VPS41: variants seen among roughly 807,000 people sequenced by gnomAD.
VPS41 encodes vacuolar protein sorting-associated protein 41 homolog.
VPS41 carries 85 observed loss-of-function variants against 130.9 expected under a neutral mutation model. The ratio of observed to expected loss-of-function variants is 0.65; its 90% CI spans 0.55 to 0.78. The LOEUF is 0.78. Among genes scored for constraint, VPS41 ranks in the 30% least tolerant of loss-of-function variants. The pLI is 0.00. For synonymous variants in VPS41, 335 were observed against 332.9 expected (o/e 1.01, Z -0.07); for missense variants, 874 against 1,018.7 (o/e 0.86, Z 1.93).
intron 2 of VPS41, among the ~76,000 whole-genome samples, chr7:38,892,781 T>A (rs781335839): frequency 1.1e-4 from 17 of 152,118 alleles, no homozygotes; most frequent in Non-Finnish European, 1.6e-4. Context: ...TTAGAACATC[T>A]TTTTCCTCTC....
At chr7:38,873,220 T>G (rs998439526) in intron 2 of VPS41, among the ~76,000 whole-genome samples, 1 of 152,268 alleles carries the variant, frequency 6.6e-6, no homozygotes, top group African/African-American at 2.4e-5. Flanking sequence ...ATGTATCATT[T>G]CACGCTTTTC....
At chr7:38,768,378 C>T (rs1043364539) in intron 14 of VPS41, among the ~76,000 whole-genome samples, 1 of 151,080 alleles carries the variant, frequency 6.6e-6, no homozygotes, top group Non-Finnish European at 1.5e-5. Flanking sequence ...CAAAAAGGTG[C>T]ATAAGAAATA....
chr7:38,903,033 C>T (rs1397997263), intron 1 of VPS41, among the ~76,000 whole-genome samples: 1 of 152,130 alleles, frequency 6.6e-6, no homozygotes, highest in African/African-American at 2.4e-5. Context: ...AAAACAAATT[C>T]TTCCTCCTCC....
intron 15 of VPS41, among the ~76,000 whole-genome samples, chr7:38,767,081 T>C (rs1438802381): frequency 3.3e-5 from 5 of 152,106 alleles, no homozygotes; most frequent in Non-Finnish European, 7.4e-5. Context: ...GAATTGGGGT[T>C]TGGGGATCGG....
intron 2 of VPS41, among the ~76,000 whole-genome samples, chr7:38,870,738 T>TAAAAAAAAAA (rs1786334268): frequency 1.5e-5 from 1 of 68,488 alleles, no homozygotes; most frequent in Admixed American, 1.7e-4. Context: ...GACTATATGT[T>TAAAAAAAAAA]CAAAAAAAAA....
intron 25 of VPS41, among the ~76,000 whole-genome samples, chr7:38,732,506 C>T (rs1052572715): frequency 5.9e-5 from 9 of 152,018 alleles, no homozygotes; most frequent in African/African-American, 2.2e-4. Context: ...TATTAATTTC[C>T]ATGAAAAATT....
At position 38,758,365 on chromosome 7, in the gene VPS41, G is replaced by T. The variant is rs752713822; in HGVS notation, c.1539C>A (p.Thr513=). The change falls in exon 18 of 29, where the codon ACC becomes ACA. Residue 513 remains threonine (T), a synonymous_variant. Transcript: ENST00000310301. ...TTAAGTATACTCACAATTCTGCCAG[G>T]GTTTTAAGTAAAGTCTTGTTCTGAC... is the stretch of plus-strand genomic sequence containing the variant. ...KDSQNKTLLK[T]LAELYTYDKN... The T allele has an allele frequency of 1.2e-6, 2 of 1,608,104 alleles. No individual in the cohort carries two copies. Among genetic ancestry groups the T allele is most frequent in the East Asian group, 2.2e-5 (1 of 44,706 alleles).
intron 4 of VPS41, among the ~76,000 whole-genome samples, chr7:38,843,039 C>T (rs577463323): frequency 1.3e-5 from 2 of 152,084 alleles, no homozygotes; most frequent in African/African-American, 4.8e-5. Flanking sequence ...CAGGTAAATA[C>T]ATAAATAAAC....
chr7:38,763,638 A>G, intron 16 of VPS41, 91 bp from the exon 17 acceptor site: 1 of 805,426 alleles, frequency 1.2e-6, no homozygotes, highest in East Asian at 2.7e-5. Flanking sequence ...GTATATTTTT[A>G]CTTTAAAAAT....
chr7:38,814,380 GGTGGCTCACGCCTGTA>G (rs1784998482), intron 7 of VPS41, among the ~76,000 whole-genome samples: 1 of 152,200 alleles, frequency 6.6e-6, no homozygotes, highest in Non-Finnish European at 1.5e-5. Context: ...GGCCGGGCGT[GGTGGCTCACGCCTGTA>G]AGCCCAGCAC....
intron 2 of VPS41, among the ~76,000 whole-genome samples, chr7:38,893,387 T>C (rs559098409): frequency 6.6e-6 from 1 of 152,318 alleles, no homozygotes; most frequent in South Asian, 2.1e-4. Flanking sequence ...TTCCTGACCA[T>C]TCATCCACTC....
intron 10 of VPS41, among the ~76,000 whole-genome samples, chr7:38,786,713 A>G (rs776639440): frequency 4.6e-5 from 7 of 152,200 alleles, no homozygotes; most frequent in Non-Finnish European, 8.8e-5. Context: ...CTATAACAGA[A>G]CAGAAAACCA....
intron 18 of VPS41, 65 bp from the exon 19 acceptor site, chr7:38,757,047 A>C: frequency 7.9e-7 from 1 of 1,261,286 alleles, no homozygotes; most frequent in Non-Finnish European, 1.1e-6. Flanking sequence ...ACACAGAGAG[A>C]TCATGGTTCA....
At chr7:38,779,329 T>A (rs1040725651) in intron 10 of VPS41, among the ~76,000 whole-genome samples, 2 of 152,206 alleles carry the variant, frequency 1.3e-5, no homozygotes, top group Non-Finnish European at 2.9e-5. Context: ...CTAAATTATG[T>A]CTTTCTTTTT....
chr7:38,774,278 A>G, intron 11 of VPS41, 34 bp from the exon 12 acceptor site: 1 of 1,548,236 alleles, frequency 6.5e-7, no homozygotes, highest in South Asian at 1.2e-5. Flanking sequence ...ATTAATTTAA[A>G]TTACATTTCT....
chr7:38,844,707 T>G (rs73123621), intron 4 of VPS41, among the ~76,000 whole-genome samples: 1 of 152,254 alleles, frequency 6.6e-6, no homozygotes, highest in East Asian at 1.9e-4. Context: ...CATTAAAATA[T>G]CCCTTCTTTT....
At chr7:38,833,297 G>T (rs1354172977) in intron 4 of VPS41, among the ~76,000 whole-genome samples, 2 of 152,184 alleles carry the variant, frequency 1.3e-5, no homozygotes, top group African/African-American at 4.8e-5. Context: ...AGCCTGCACA[G>T]TGACACTATG....
intron 10 of VPS41, among the ~76,000 whole-genome samples, chr7:38,786,024 T>C (rs576942394): frequency 6.6e-5 from 10 of 152,350 alleles, no homozygotes; most frequent in African/African-American, 2.4e-4. Flanking sequence ...TGAGCAGCTA[T>C]CATCACTGAT....
chr7:38,743,402 G>A lies in VPS41; in HGVS notation c.2122C>T (p.Pro708Ser), dbSNP rs754537570. ...DLILYSIDKP[P>S]FITGLLNNIG... is the part of the protein sequence containing the mutation. ...AACCAGAGATGGCTTTTATGCTTAC[G>A]TGGTTTGTCAATGGAATATAAAATC... Residue 708 changes from proline (P) to serine (S), a missense_variant and splice_region_variant, in exon 24 of 29, where the codon CCA becomes TCA. Physicochemically the swap from Pro to Ser is moderately conservative, Grantham distance 74. Coordinates refer to ENST00000310301, the MANE Select transcript of VPS41 (RefSeq NM_014396.4). 2.5e-6 allele frequency: 4 copies of A among 1,613,686 alleles called. No homozygotes were observed. Among genetic ancestry groups the A allele is most frequent in the Non-Finnish European group, 3.4e-6 (4 of 1,179,720 alleles).
Sources: allele counts gnomAD v4.1 joint callset (sites outside exome capture counted in the v4.1 genomes callset), GRCh38; gene constraint gnomAD v4.1.1; transcripts MANE v1.5; gene names NCBI Gene and HGNC (gene_info 2026-07-23, HGNC 2026-07-21).